GPRC5A: variants seen among roughly 807,000 people sequenced by gnomAD.
The protein encoded by GPRC5A is G protein-coupled receptor class C group 5 member A, also known as retinoic acid-induced protein 3.
GPRC5A carries 19 observed loss-of-function variants against 22.5 expected under a neutral mutation model. The observed-to-expected ratio is 0.85, with a 90% CI of 0.59 to 1.24. The LOEUF (loss-of-function observed/expected upper bound fraction) is 1.24, where lower values mean the gene tolerates loss of function less well. Among genes scored for constraint, GPRC5A ranks in the 50% most tolerant of loss-of-function variants. The pLI, the probability that GPRC5A is intolerant of heterozygous loss-of-function variation, is 0.00. For synonymous variants in GPRC5A, 192 were observed against 184.5 expected, an observed-to-expected ratio of 1.04 and a Z score of -0.33; for missense variants, 471 against 451.1, an observed-to-expected ratio of 1.04 and a Z score of -0.40.
At chr12:12,900,761 A>G (rs1279856118) in intron 1 of GPRC5A, among the ~76,000 whole-genome samples, 4 of 151,846 alleles carry the variant, frequency 2.6e-5, no homozygotes, top group Non-Finnish European at 5.9e-5. Flanking sequence ...GTGGTGGCAC[A>G]TGCCTGTAAT....
At position 12,908,798 on chromosome 12, in the gene GPRC5A, C is replaced by T. The variant is rs547090670; in HGVS notation, c.549C>T (p.Tyr183=). ...AAGACTTTGTCCTCCTGCTCACCTA[C>T]GTCCTCTTCTTGATGGCGCTGACCT... ...RNEDFVLLLT[Y]VLFLMALTFL... is the part of the protein sequence containing the mutation. Residue 183 remains tyrosine, a synonymous_variant, in exon 2 of 4, where the codon TAC becomes TAT. Transcript: ENST00000014914. 3.2e-5 allele frequency: 51 copies of T among 1,614,148 alleles called. No individual in the cohort carries two copies. The highest frequency in any genetic ancestry group is 1.1e-4 in the African/African-American group (8 of 75,056).
At chr12:12,910,222 G>A (rs1056631083) in intron 2 of GPRC5A, among the ~76,000 whole-genome samples, 1 of 152,154 alleles carries the variant, frequency 6.6e-6, no homozygotes, top group African/African-American at 2.4e-5. Context: ...TAAGCCTGAG[G>A]TGTGGAACTT....
In GPRC5A at chr12:12,915,997, A is replaced by T. The variant is rs558683314; in HGVS notation, c.*3458A>T. On this transcript the variant is annotated 3_prime_UTR_variant, in exon 4 of 4. Coordinates refer to ENST00000014914, the MANE Select transcript of GPRC5A (RefSeq NM_003979.4). Reference sequence around the variant, plus strand: ...TCTTCAGGTCTCACACCTTCTGCACATAAATAAGCTATTTTTAAAAGTTAT... The same window carrying T: ...TCTTCAGGTCTCACACCTTCTGCACTTAAATAAGCTATTTTTAAAAGTTAT... 1.1e-5 allele frequency: 4 copies of T among 369,918 alleles called. No homozygotes were observed. Among genetic ancestry groups the T allele is most frequent in the East Asian group, 7.7e-5 (1 of 12,908 alleles). The allele number at this position is 369,918 out of a possible 1,614,324, so 22.9% of individuals were successfully genotyped here.
rs112358784 is a variant in GPRC5A, at chr12:12,907,681, G to C, written c.-7-562G>C. Among the ~76,000 whole-genome samples the C allele has an allele frequency of 3.9e-5, 6 of 152,250 alleles. 1 individual carries two copies. Among genetic ancestry groups the C allele is most frequent in the African/African-American group, 1.4e-4 (6 of 41,544 alleles). On this transcript the variant is annotated intron_variant, in intron 1 of 3. Coordinates refer to ENST00000014914, the MANE Select transcript of GPRC5A (RefSeq NM_003979.4). ...GGGTCTTGCTCTGTTGCCCAGGCTG[G>C]GGTGCAGTGACGTGATCATAGCTCA...
At chr12:12,912,281 C>T (rs908226449) in intron 3 of GPRC5A, 139 bp downstream of exon 3, 34 of 860,520 alleles carry the variant, frequency 4.0e-5, no homozygotes, top group Admixed American at 5.4e-5. Flanking sequence ...TTCCTCTAAG[C>T]GGCCTCACGG....
Position 12,908,862 on chromosome 12 carries a change from G to C in GPRC5A, c.613G>C (p.Gly205Arg), listed in dbSNP as rs1449356399. 2 of 1,613,992 alleles carry C rather than the reference G, an allele frequency of 1.2e-6. No individual in the cohort carries two copies. Among genetic ancestry groups the C allele is most frequent in the African/African-American group, 2.7e-5 (2 of 74,888 alleles). ...SSFTFCGSFT[G>R]WKRHGAHIYL... ...CTTCACCTTCTGTGGTTCCTTCACG[G>C]GCTGGAAGAGACATGGGGCCCACAT... is the stretch of plus-strand genomic sequence containing the variant. The change falls in exon 2 of 4, where the codon GGC (glycine) becomes CGC (arginine). Residue 205 changes from glycine (G) to arginine (R), a missense_variant. Coordinates refer to ENST00000014914, the MANE Select transcript of GPRC5A (RefSeq NM_003979.4).
rs139890213 is a variant in GPRC5A, at chr12:12,906,545, C to T, written c.-7-1698C>T. On this transcript the variant is annotated intron_variant, in intron 1 of 3. Transcript: ENST00000014914. ...TCGAGATCCAGCCTGGGTGACAGAG[C>T]GAGGCTCTGTTCCCCCCATCCCCCC... Among the ~76,000 whole-genome samples, 459 of 152,138 alleles carry T rather than the reference C, an allele frequency of 3.0e-3. 1 individual carries two copies. The highest frequency in any genetic ancestry group is 4.4e-3 in the Non-Finnish European group (298 of 67,980).
In GPRC5A at chr12:12,908,433, C is replaced by A; in HGVS notation, c.184C>A (p.Arg62=). Residue 62 remains arginine, a synonymous_variant, in exon 2 of 4, where the codon CGA becomes AGA. Transcript: ENST00000014914. ...CTGCAAGGTGCAGGACTCCAACAGGCGAAAAATGCTGCCTACTCAGTTTCT... is the reference window on the plus strand; with the variant it reads ...CTGCAAGGTGCAGGACTCCAACAGGAGAAAAATGCTGCCTACTCAGTTTCT... ...LVCKVQDSNR[R]KMLPTQFLFL... 1 of 1,613,874 alleles carries A rather than the reference C, an allele frequency of 6.2e-7. No homozygotes were observed. Among genetic ancestry groups the A allele is most frequent in the South Asian group, 1.1e-5 (1 of 90,996 alleles).
At chr12:12,902,260 G>A (rs181790033) in intron 1 of GPRC5A, among the ~76,000 whole-genome samples, 1 of 152,098 alleles carries the variant, frequency 6.6e-6, no homozygotes, top group African/African-American at 2.4e-5. Context: ...GCTTAGGGAT[G>A]GGGTGGGGGA....
In GPRC5A at chr12:12,914,597, TC is replaced by T. The variant is rs1349671546; in HGVS notation, c.*2059del. 292 of 96,966 alleles carry T rather than the reference TC, an allele frequency of 3.0e-3. No individual in the cohort carries two copies. The highest frequency in any genetic ancestry group is 5.8e-3 in the African/African-American group (115 of 19,752). 6.0% of individuals were successfully genotyped at this position (96,966 alleles called of 1,614,324 possible). On this transcript the variant is annotated 3_prime_UTR_variant, in exon 4 of 4. Transcript: ENST00000014914. ...CTTTCTTTCTTTCTTTCTTTCTTTC[TC>T]TCTCTCTCTCTCTCTCTCTTTCTTT...
rs2136464130 is a variant in GPRC5A at position 12,913,592 on chromosome 12, A to G, written c.*1053A>G. 1 of 152,264 alleles carries G rather than the reference A, an allele frequency of 6.6e-6. No homozygotes were observed. The highest frequency in any genetic ancestry group is 2.4e-5 in the African/African-American group (1 of 41,542). The allele number at this position is 152,264 out of a possible 1,614,324, so 9.4% of individuals were successfully genotyped here. On this transcript the variant is annotated 3_prime_UTR_variant, in exon 4 of 4. Transcript: ENST00000014914. ...CTAATGGAGGAGTGTTCATTGTATA[A>G]TAAGTTATTCACCTGAGTATGCAAT...
chr12:12,899,895 G>A (rs1359987578), intron 1 of GPRC5A, among the ~76,000 whole-genome samples: 1 of 152,170 alleles, frequency 6.6e-6, no homozygotes, highest in Non-Finnish European at 1.5e-5. Context: ...AAGGTTCTGG[G>A]CCCCAGATGA....
Position 12,913,986 on chromosome 12 carries a change from G to A in GPRC5A, c.*1447G>A, listed in dbSNP as rs1328466256. ...TCACCCAAGGTCTAATTGTGGGAGA[G>A]GACAAATCCAGATCCCCTGTTTGAC... On this transcript the variant is annotated 3_prime_UTR_variant, in exon 4 of 4. Transcript: ENST00000014914. 2 of 152,160 alleles carry A rather than the reference G, an allele frequency of 1.3e-5. No individual in the cohort carries two copies. The highest frequency in any genetic ancestry group is 4.8e-5 in the African/African-American group (2 of 41,432). 9.4% of individuals were successfully genotyped at this position (152,160 alleles called of 1,614,324 possible).
At chr12:12,900,912 A>C (rs971698071) in intron 1 of GPRC5A, among the ~76,000 whole-genome samples, 5 of 121,516 alleles carry the variant, frequency 4.1e-5, no homozygotes, top group African/African-American at 1.6e-4. Context: ...AAAAAAAAAA[A>C]ACAAAAAAAA....
chr12:12,904,009 G>T (rs932982705), intron 1 of GPRC5A, among the ~76,000 whole-genome samples: 4 of 152,190 alleles, frequency 2.6e-5, no homozygotes, highest in Non-Finnish European at 4.4e-5. Flanking sequence ...GGAGCAATTG[G>T]CAGAGAGGGG....
At chr12:12,893,633 T>C (rs1863788100) in intron 1 of GPRC5A, among the ~76,000 whole-genome samples, 1 of 152,252 alleles carries the variant, frequency 6.6e-6, no homozygotes, top group East Asian at 1.9e-4. Context: ...ATTTGGACCA[T>C]GGACCATAGT....
chr12:12,896,207 T>C (rs1464482540), intron 1 of GPRC5A, among the ~76,000 whole-genome samples: 1 of 152,164 alleles, frequency 6.6e-6, no homozygotes, highest in Non-Finnish European at 1.5e-5. Flanking sequence ...AACAGGAAGA[T>C]GGTAATACGC....
rs753471958 is a variant in GPRC5A, at chr12:12,908,900, G to A, written c.651G>A (p.Met217Ile). Residue 217 changes from methionine to isoleucine, a missense_variant, in exon 2 of 4, where the codon ATG becomes ATA. Physicochemically the swap from Met to Ile is conservative, Grantham distance 10. Coordinates refer to ENST00000014914, the MANE Select transcript of GPRC5A (RefSeq NM_003979.4). ...KRHGAHIYLT[M>I]LLSIAIWVAW... ...ATGGGGCCCACATCTACCTCACGAT[G>A]CTCCTCTCCATTGCCATCTGGGTGG... 3.1e-6 allele frequency: 5 copies of A among 1,614,006 alleles called. No homozygotes were observed. Among genetic ancestry groups the A allele is most frequent in the Non-Finnish European group, 2.5e-6 (3 of 1,180,022 alleles).
chr12:12,899,534 C>A (rs1486804919), intron 1 of GPRC5A, among the ~76,000 whole-genome samples: 1 of 152,122 alleles, frequency 6.6e-6, no homozygotes, highest in Non-Finnish European at 1.5e-5. Flanking sequence ...TGGACATGTA[C>A]CTTCCTCACT....
Sources: gnomAD v4.1 joint callset for allele counts (sites outside exome capture counted in the v4.1 genomes callset) on GRCh38, gnomAD v4.1.1 for gene constraint, MANE v1.5 for transcripts, NCBI Gene and HGNC (gene_info 2026-07-23, HGNC 2026-07-21) for gene names.